Variants in LRP5 observed in about 807,000 individuals in gnomAD.
LRP5 encodes the protein low-density lipoprotein receptor-related protein 5.
In LRP5, 62 loss-of-function variants were observed where a neutral mutation model predicts 154.1. That is an observed-to-expected ratio of 0.40 (90% CI 0.33 to 0.50). LRP5 has a LOEUF of 0.50. LRP5 is among the 20% of genes least tolerant of loss of function. The pLI, the probability that LRP5 is intolerant of heterozygous loss-of-function variation, is 0.55. For synonymous variants in LRP5, 966 were observed against 1,011.5 expected (o/e 0.96, Z 0.85); for missense variants, 1,915 against 2,336.7 (o/e 0.82, Z 3.72).
chr11:68,387,835 T>G lies in LRP5; in HGVS notation c.1412+1123T>G, dbSNP rs749614218. Among the ~76,000 whole-genome samples, 30 of 152,186 alleles carry G rather than the reference T, an allele frequency of 2.0e-4. 1 individual carries two copies. Among genetic ancestry groups the G allele is most frequent in the South Asian group, 6.2e-4 (3 of 4,818 alleles). ...TGGAGCACTTAGTGGGCACCAGGTG[T>G]GTTTCCAGGTTCATGGCCCTGGGAC... On this transcript the variant is annotated intron_variant, in intron 6 of 22. Transcript: ENST00000294304.
At chr11:68,378,036 G>A (rs78048458) in intron 5 of LRP5, among the ~76,000 whole-genome samples, 7,021 of 152,264 alleles carry the variant, frequency 0.046, 542 homozygotes, top group African/African-American at 0.16. Context: ...CACTTGGTTC[G>A]GTGCAGGGAG....
At chr11:68,390,800 C>T (rs1332467080) in intron 7 of LRP5, among the ~76,000 whole-genome samples, 1 of 103,112 alleles carries the variant, frequency 9.7e-6, no homozygotes, top group Non-Finnish European at 1.9e-5. Flanking sequence ...GACGCAGCCT[C>T]GCCCTGCCGC....
At chr11:68,376,504 C>T (rs1451208320) in intron 5 of LRP5, among the ~76,000 whole-genome samples, 1 of 152,180 alleles carries the variant, frequency 6.6e-6, no homozygotes, top group East Asian at 1.9e-4. Flanking sequence ...CTTAAATGGG[C>T]CTGAGGCACA....
intron 5 of LRP5, among the ~76,000 whole-genome samples, chr11:68,365,933 G>C (rs2098630821): frequency 6.6e-6 from 1 of 152,168 alleles, no homozygotes; most frequent in Admixed American, 6.5e-5. Flanking sequence ...TTTTGCCCCA[G>C]ATATTTTCCA....
upstream of LRP5, among the ~76,000 whole-genome samples, chr11:68,312,425 G>C (rs1195837952): frequency 6.7e-6 from 1 of 150,110 alleles, no homozygotes; most frequent in Non-Finnish European, 1.5e-5. Context: ...CGGGGAGCGC[G>C]GGGAGGGGCC....
chr11:68,406,928 C>T (rs1289863484), intron 9 of LRP5, 115 bp downstream of exon 9: 2 of 1,073,438 alleles, frequency 1.9e-6, no homozygotes, highest in Admixed American at 2.1e-5. Flanking sequence ...TATTGTAACG[C>T]AGTTCAAGCT....
At chr11:68,432,755 C>T (rs980349934) in intron 17 of LRP5, among the ~76,000 whole-genome samples, 3 of 152,212 alleles carry the variant, frequency 2.0e-5, no homozygotes, top group African/African-American at 4.8e-5. Flanking sequence ...GGGGCCACCT[C>T]GAAGCCTAGG....
chr11:68,302,428 C>T, the LRP5 span, among the ~76,000 whole-genome samples: 1 of 152,108 alleles, frequency 6.6e-6, no homozygotes, highest in African/African-American at 2.4e-5. Context: ...TGGGTTCCAC[C>T]CATGCTTGCG....
At chr11:68,317,763 G>A (rs1382424687) in intron 1 of LRP5, among the ~76,000 whole-genome samples, 3 of 152,172 alleles carry the variant, frequency 2.0e-5, no homozygotes, top group Non-Finnish European at 4.4e-5. Flanking sequence ...TTGCTGGCCT[G>A]ACTCGTGGTG....
Position 68,410,139 on chromosome 11 carries a change from G to A in LRP5, c.2317G>A (p.Gly773Ser), listed in dbSNP as rs775353605. Residue 773 changes from glycine (G) to serine (S), a missense_variant and splice_region_variant, in exon 10 of 23, where the codon GGC becomes AGC. Physicochemically the swap from Gly to Ser is moderately conservative, Grantham distance 56. Around this residue, in one of 3 missense-constraint regions of LRP5, gnomAD observed 773 missense variants for 1,100.9 expected, o/e 0.70. Transcript: ENST00000294304. ...PRSLALDPTKGYIYWTEWGGK... is the reference protein window; with the variant it reads ...PRSLALDPTKSYIYWTEWGGK... ...GTCGCTGGCCCTGGATCCCACCAAG[G>A]GGTAAGTGTTTGCCTGTCCCGTGCG... 31 of 1,613,350 alleles carry A rather than the reference G, an allele frequency of 1.9e-5. No individual in the cohort carries two copies. The highest frequency in any genetic ancestry group is 2.6e-5 in the Non-Finnish European group (31 of 1,179,754).
intron 21 of LRP5, among the ~76,000 whole-genome samples, chr11:68,446,196 G>A (rs1331391366): frequency 6.6e-6 from 1 of 152,222 alleles, no homozygotes; most frequent in Non-Finnish European, 1.5e-5. Context: ...TTGGAAGGGC[G>A]CGGGCACCTG....
rs770724104 is a variant in LRP5, at chr11:68,433,685, T to C, written c.3847T>C (p.Phe1283Leu). 6.2e-7 allele frequency: 1 copy of C among 1,613,290 alleles called. No individual in the cohort carries two copies. Among genetic ancestry groups the C allele is most frequent in the Non-Finnish European group, 8.5e-7 (1 of 1,179,958 alleles). Reference protein sequence around the residue: ...CIPGAWRCDGFPECDDQSDEE... With the variant: ...CIPGAWRCDGLPECDDQSDEE... ...CCCCGGGGCCTGGCGCTGTGACGGCTTTCCCGAGTGCGATGACCAGAGCGA... is the reference window on the plus strand; with the variant it reads ...CCCCGGGGCCTGGCGCTGTGACGGCCTTCCCGAGTGCGATGACCAGAGCGA... The change falls in exon 18 of 23, where the codon TTT (phenylalanine) becomes CTT (leucine). Residue 1283 changes from phenylalanine to leucine, a missense_variant. By Grantham distance (22) the Phe-to-Leu change is conservative. Transcript: ENST00000294304.
At chr11:68,401,084 C>T (rs1377141962) in intron 7 of LRP5, among the ~76,000 whole-genome samples, 3 of 152,158 alleles carry the variant, frequency 2.0e-5, no homozygotes, top group Non-Finnish European at 4.4e-5. Context: ...CCTCCTCTCA[C>T]GCTGGGTGTC....
At chr11:68,357,452 C>A (rs576591242) in intron 2 of LRP5, among the ~76,000 whole-genome samples, 198 bp from the exon 3 acceptor site, 1 of 152,314 alleles carries the variant, frequency 6.6e-6, no homozygotes, top group South Asian at 2.1e-4. Flanking sequence ...TTACTGTTAA[C>A]TGAGAACAAG....
intron 1 of LRP5, among the ~76,000 whole-genome samples, chr11:68,327,923 T>A (rs1468500505): frequency 3.3e-5 from 5 of 152,224 alleles, no homozygotes; most frequent in African/African-American, 4.8e-5. Context: ...CAAATTCTTC[T>A]TAACTTCCAG....
intron 7 of LRP5, among the ~76,000 whole-genome samples, chr11:68,402,724 C>T (rs988154553): frequency 6.6e-6 from 1 of 152,190 alleles, no homozygotes; most frequent in African/African-American, 2.4e-5. Context: ...ATTGCTGCAC[C>T]TGGGGCAGGC....
At chr11:68,319,147 G>C (rs976081265) in intron 1 of LRP5, among the ~76,000 whole-genome samples, 6 of 150,058 alleles carry the variant, frequency 4.0e-5, no homozygotes, top group African/African-American at 1.2e-4. Context: ...CACGATCTCG[G>C]CTCACTGTAA....
Position 68,447,747 on chromosome 11 carries a change from C to T in LRP5, c.4587-1062C>T, listed in dbSNP as rs1036350609. Reference sequence around the variant, plus strand: ...TTTTCTCAACACCCGGTGTTGGCTGCACCTTCCCACCCATTGCAGGCCCCT... The same window carrying T: ...TTTTCTCAACACCCGGTGTTGGCTGTACCTTCCCACCCATTGCAGGCCCCT... On this transcript the variant is annotated intron_variant, in intron 22 of 22. Coordinates refer to ENST00000294304, the MANE Select transcript of LRP5 (RefSeq NM_002335.4). This position sits in a 1 kb window ranked among gnomAD's most constrained non-coding sequence, Gnocchi z 4.3. 6.6e-6 allele frequency among the ~76,000 whole-genome samples: 1 copy of T among 152,198 alleles called. No homozygotes were observed. The highest frequency in any genetic ancestry group is 2.4e-5 in the African/African-American group (1 of 41,446).
At chr11:68,420,119 G>T (rs1347438865) in intron 13 of LRP5, among the ~76,000 whole-genome samples, 1 of 152,212 alleles carries the variant, frequency 6.6e-6, no homozygotes, top group Non-Finnish European at 1.5e-5. Flanking sequence ...TGACAGTTCA[G>T]TGGCATTCAG....
Sources: allele counts gnomAD v4.1 joint callset (sites outside exome capture counted in the v4.1 genomes callset), GRCh38; gene constraint gnomAD v4.1.1; regional missense constraint gnomAD v4.1.1; non-coding constraint Gnocchi (gnomAD v3.1); transcripts MANE v1.5; gene names NCBI Gene and HGNC (gene_info 2026-07-23, HGNC 2026-07-21).